Variants in SNTG1 observed in about 807,000 individuals in gnomAD.
SNTG1 encodes the protein gamma-1-syntrophin.
A neutral mutation model predicts 74.7 loss-of-function variants in SNTG1; 39 were observed. The ratio of observed to expected loss-of-function variants is 0.52; its 90% CI spans 0.40 to 0.68. The LOEUF is 0.68. Ranked by LOEUF, SNTG1 falls within the 30% of genes least tolerant of loss-of-function variation. The pLI, the probability that SNTG1 is intolerant of heterozygous loss-of-function variation, is 0.00. For synonymous variants in SNTG1, 254 were observed against 217.1 expected, an observed-to-expected ratio of 1.17 and a Z score of -1.49; for missense variants, 685 against 609.5, an observed-to-expected ratio of 1.12 and a Z score of -1.30.
At chr8:50,089,461 G>T (rs1486318908) in intron 1 of SNTG1, among the ~76,000 whole-genome samples, 3 of 151,370 alleles carry the variant, frequency 2.0e-5, no homozygotes, top group Non-Finnish European at 4.4e-5. Flanking sequence ...CCATCAGAGT[G>T]AACAGGCAAC....
rs1003429296 is a variant in SNTG1 at position 50,025,996 on chromosome 8, A to G, written c.-103+113765A>G. Among the ~76,000 whole-genome samples, 4 of 152,140 alleles carry G rather than the reference A, an allele frequency of 2.6e-5. No homozygotes were observed. In the South Asian group the frequency reaches 8.3e-4, roughly 31 times the overall value. ...AGGTCTGTGGCCCAGATTTTCTTAA[A>G]CTTTTAGGCTGCTATATATTTAGAG... On this transcript the variant is annotated intron_variant, in intron 1 of 18. Coordinates refer to ENST00000642720, the MANE Select transcript of SNTG1 (RefSeq NM_018967.5).
chr8:50,780,066 G>A (rs1413491142), intron 18 of SNTG1, among the ~76,000 whole-genome samples: 1 of 152,186 alleles, frequency 6.6e-6, no homozygotes, highest in Non-Finnish European at 1.5e-5. Flanking sequence ...CTTGATCATG[G>A]TGGATAAGCT....
chr8:50,743,872 G>C (rs560991489), intron 17 of SNTG1, among the ~76,000 whole-genome samples: 64 of 152,084 alleles, frequency 4.2e-4, no homozygotes, highest in African/African-American at 1.5e-3. Flanking sequence ...CACGGTGCTG[G>C]CATCTGATGG....
intron 1 of SNTG1, among the ~76,000 whole-genome samples, chr8:50,149,992 C>A (rs920479050): frequency 1.8e-4 from 28 of 152,104 alleles, no homozygotes; most frequent in African/African-American, 6.8e-4. Context: ...GGCAGTATGG[C>A]CATTTTCACG....
At chr8:50,161,834 A>G (rs2082428195) in intron 1 of SNTG1, among the ~76,000 whole-genome samples, 1 of 152,226 alleles carries the variant, frequency 6.6e-6, no homozygotes, top group Non-Finnish European at 1.5e-5. Context: ...GGCAAAAGGA[A>G]AGACCACAAA....
chr8:50,356,289 T>G (rs1203205517), intron 2 of SNTG1, among the ~76,000 whole-genome samples: 3 of 152,154 alleles, frequency 2.0e-5, no homozygotes, highest in African/African-American at 7.2e-5. Context: ...TCTCTTAACC[T>G]GGGTTTCCCA....
intron 1 of SNTG1, among the ~76,000 whole-genome samples, chr8:49,961,219 T>A (rs1193000164): frequency 6.6e-6 from 1 of 152,200 alleles, no homozygotes; most frequent in African/African-American, 2.4e-5. Flanking sequence ...AAAATAAATT[T>A]CTATTCATTG....
chr8:50,258,754 G>T (rs2087005457), intron 2 of SNTG1, among the ~76,000 whole-genome samples: 1 of 152,032 alleles, frequency 6.6e-6, no homozygotes, highest in Non-Finnish European at 1.5e-5. Flanking sequence ...AGGAAAAAAA[G>T]AAGAAAGAAA....
At chr8:50,778,913 T>A (rs966152143) in intron 18 of SNTG1, among the ~76,000 whole-genome samples, 1 of 152,198 alleles carries the variant, frequency 6.6e-6, no homozygotes, top group African/African-American at 2.4e-5. Flanking sequence ...GTTTCAGCTT[T>A]CCACATATCG....
At chr8:50,320,406 T>C (rs930917957) in intron 2 of SNTG1, among the ~76,000 whole-genome samples, 7 of 152,156 alleles carry the variant, frequency 4.6e-5, no homozygotes, top group African/African-American at 1.7e-4. Context: ...TTCTCTTTTT[T>C]TCATAGTTAG....
At chr8:50,318,111 C>T (rs1306808031) in intron 2 of SNTG1, among the ~76,000 whole-genome samples, 3 of 152,068 alleles carry the variant, frequency 2.0e-5, no homozygotes, top group African/African-American at 4.8e-5. Context: ...GCTGGGATTA[C>T]AGGCGTGAGC....
chr8:50,480,612 CA>C lies in SNTG1; in HGVS notation c.364-22164del, dbSNP rs775903771. Among the ~76,000 whole-genome samples, 77 of 152,200 alleles carry C rather than the reference CA, an allele frequency of 5.1e-4. 1 individual carries two copies. In the East Asian group the frequency reaches 8.1e-3, roughly 16 times the overall value. On this transcript the variant is annotated intron_variant, in intron 8 of 18. Transcript: ENST00000642720. Reference sequence around the variant, plus strand: ...TTGTCTTTTGGCGTGAAAATGTTAACAACATAAAAAAGTCCACCACACATTA... The same window carrying C: ...TTGTCTTTTGGCGTGAAAATGTTAACACATAAAAAAGTCCACCACACATTA...
rs139111317 is a variant in SNTG1 at position 50,571,469 on chromosome 8, G to A, written c.810+18290G>A. 1.9e-3 allele frequency among the ~76,000 whole-genome samples: 295 copies of A among 152,346 alleles called. 2 individuals carry two copies. Among genetic ancestry groups the A allele is most frequent in the African/African-American group, 6.8e-3 (283 of 41,596 alleles). ...CGAGCTGTTTGGATTTGGGAGTGCA[G>A]TGATGGCACAGGCCCCAGAGCCAAA... On this transcript the variant is annotated intron_variant, in intron 12 of 18. Transcript: ENST00000642720.
chr8:50,281,374 T>C (rs960177082), intron 2 of SNTG1, among the ~76,000 whole-genome samples: 4 of 152,128 alleles, frequency 2.6e-5, no homozygotes, highest in African/African-American at 7.2e-5. Context: ...CATAGGGGGG[T>C]TCATTCAGTT....
At chr8:50,478,593 G>A (rs1375181795) in intron 8 of SNTG1, among the ~76,000 whole-genome samples, 1 of 152,074 alleles carries the variant, frequency 6.6e-6, no homozygotes, top group Non-Finnish European at 1.5e-5. Flanking sequence ...TGTATCCATT[G>A]GACATATATT....
intron 1 of SNTG1, among the ~76,000 whole-genome samples, chr8:50,075,754 A>G (rs955882297): frequency 6.6e-6 from 1 of 152,256 alleles, no homozygotes; most frequent in South Asian, 2.1e-4. Flanking sequence ...GGCCAGCAAG[A>G]CCACGAACCC....
At chr8:50,599,950 A>G (rs1303149574) in intron 13 of SNTG1, among the ~76,000 whole-genome samples, 2 of 152,146 alleles carry the variant, frequency 1.3e-5, no homozygotes, top group Non-Finnish European at 2.9e-5. Flanking sequence ...TGGGTCTGTA[A>G]TACATGGATT....
chr8:50,312,541 G>A (rs2090155053), intron 2 of SNTG1, among the ~76,000 whole-genome samples: 1 of 148,338 alleles, frequency 6.7e-6, no homozygotes, highest in African/African-American at 2.6e-5. Flanking sequence ...GCCTCAAGGA[G>A]GAAAGAGATT....
chr8:50,737,054 A>T (rs1326925621), intron 17 of SNTG1, among the ~76,000 whole-genome samples: 1 of 152,032 alleles, frequency 6.6e-6, no homozygotes, highest in African/African-American at 2.4e-5. Flanking sequence ...ACAAGAAAAA[A>T]CTCAAATCAG....
Sources: allele counts gnomAD v4.1 joint callset (sites outside exome capture counted in the v4.1 genomes callset), GRCh38; gene constraint gnomAD v4.1.1; transcripts MANE v1.5; gene names NCBI Gene and HGNC (gene_info 2026-07-23, HGNC 2026-07-21).